Variants in TBX5 observed in about 807,000 individuals in gnomAD.
TBX5 encodes the protein T-box transcription factor 5, also known as T-box transcription factor TBX5.
In TBX5, 8 loss-of-function variants were observed where a neutral mutation model predicts 51.1. The ratio of observed to expected loss-of-function variants is 0.16; its 90% confidence interval spans 0.09 to 0.28. The LOEUF (loss-of-function observed/expected upper bound fraction) is 0.28. TBX5 is among the 10% of genes least tolerant of loss of function. TBX5 has a pLI of 1.00. For missense variants in TBX5, 589 were observed against 671.7 expected, an observed-to-expected ratio of 0.88 and a Z score of 1.36; for synonymous variants, 302 against 266.4, an observed-to-expected ratio of 1.13 and a Z score of -1.30.
In TBX5 at chr12:114,354,690, G is replaced by A. The variant is rs569872023; in HGVS notation, c.*842C>T. ...CAGTCCTGCCTACATGTAAACGGGG[G>A]CTTTTTAAGTTTTTCAAAGCAAGCT... is the stretch of plus-strand genomic sequence containing the variant. On this transcript the variant is annotated 3_prime_UTR_variant, in exon 9 of 9. Coordinates refer to ENST00000405440, the MANE Select transcript of TBX5 (RefSeq NM_181486.4). 69 of 152,780 alleles carry A rather than the reference G, an allele frequency of 4.5e-4. No individual in the cohort carries two copies. The highest frequency in any genetic ancestry group is 1.6e-3 in the African/African-American group (68 of 41,540). 9.5% of individuals were successfully genotyped at this position (152,780 alleles called of 1,614,324 possible).
chr12:114,356,547 T>C (rs1229611382), intron 8 of TBX5, among the ~76,000 whole-genome samples: 2 of 152,020 alleles, frequency 1.3e-5, no homozygotes, highest in Admixed American at 6.5e-5. Flanking sequence ...CTGGGCAACA[T>C]AGTGAGACCC....
At chr12:114,405,029 T>C (rs1300119562) in intron 1 of TBX5, among the ~76,000 whole-genome samples, 1 of 152,190 alleles carries the variant, frequency 6.6e-6, no homozygotes, top group African/African-American at 2.4e-5. Context: ...ATCTCTTCTA[T>C]ACGCAAGTAG....
rs1026012689 is a variant in TBX5 at position 114,394,994 on chromosome 12, G to A, written c.511-101C>T. The A allele has an allele frequency of 1.0e-5, 12 of 1,165,206 alleles. No individual in the cohort carries two copies. The Admixed American group carries it at 1.4e-4, about 13-fold the overall frequency. The allele number at this position is 1,165,206 out of a possible 1,614,324, so 72.2% of individuals were successfully genotyped here. On this transcript the variant is annotated intron_variant, in intron 5 of 8. Transcript: ENST00000405440. ...CCCTCTAAATTCGCCTTGTTATATCGGCTCTCGAAAAATAGATATTTTTCT... is the reference window on the plus strand; with the variant it reads ...CCCTCTAAATTCGCCTTGTTATATCAGCTCTCGAAAAATAGATATTTTTCT...
At position 114,399,567 on chromosome 12, in the gene TBX5, A is replaced by G; in HGVS notation, c.308T>C (p.Leu103Pro). 2 of 1,614,180 alleles carry G rather than the reference A, an allele frequency of 1.2e-6. No homozygotes were observed. Among genetic ancestry groups the G allele is most frequent in the African/African-American group, 2.7e-5 (2 of 75,030 alleles). The change falls in exon 4 of 9, where the codon CTC (leucine) becomes CCC (proline). Residue 103 changes from leucine (L) to proline (P), a missense_variant. Leu to Pro is a moderately conservative substitution (Grantham distance 98). Around this residue, in one of 7 missense-constraint regions of TBX5, gnomAD observed 85 missense variants for 95.6 expected, o/e 0.89. Coordinates refer to ENST00000405440, the MANE Select transcript of TBX5 (RefSeq NM_181486.4). The part of the protein sequence containing the change: ...GLNPKTKYIL[L>P]MDIVPADDHR... Reference sequence around the variant, plus strand: ...ATCGTCGGCAGGTACAATGTCCATGAGAAGAATGTACTTCGTTTTGGGATT... The same window carrying G: ...ATCGTCGGCAGGTACAATGTCCATGGGAAGAATGTACTTCGTTTTGGGATT...
In TBX5 at chr12:114,373,269, T is replaced by C. The variant is rs547936320; in HGVS notation, c.756-6878A>G. Among the ~76,000 whole-genome samples, 10 of 152,304 alleles carry C rather than the reference T, an allele frequency of 6.6e-5. No individual in the cohort carries two copies. In the South Asian group the frequency reaches 1.7e-3, roughly 25 times the overall value. On this transcript the variant is annotated intron_variant, in intron 7 of 8. Coordinates refer to ENST00000405440, the MANE Select transcript of TBX5 (RefSeq NM_181486.4). ...GTTCGGAAATCATGGAGAAAAGTCC[T>C]GGGCAATTCATGACATTACCCTTTG... is the stretch of plus-strand genomic sequence containing the variant.
chr12:114,379,986 CAT>C (rs1249411518), intron 7 of TBX5, among the ~76,000 whole-genome samples: 3 of 152,158 alleles, frequency 2.0e-5, no homozygotes, highest in Non-Finnish European at 2.9e-5. Context: ...TCATACCTGT[CAT>C]AGAGTCACTC....
intron 3 of TBX5, among the ~76,000 whole-genome samples, chr12:114,400,013 C>T (rs1871708182): frequency 6.6e-6 from 1 of 152,200 alleles, no homozygotes; most frequent in Non-Finnish European, 1.5e-5. Context: ...AGGTACAATG[C>T]TAGGCGCTGA....
chr12:114,392,813 T>A (rs1231846912), intron 6 of TBX5, among the ~76,000 whole-genome samples: 1 of 152,172 alleles, frequency 6.6e-6, no homozygotes, highest in Non-Finnish European at 1.5e-5. Flanking sequence ...CAGACTCAAA[T>A]TGGCCTGAAA....
chr12:114,377,571 T>G (rs1383099685), intron 7 of TBX5, among the ~76,000 whole-genome samples: 3 of 151,874 alleles, frequency 2.0e-5, no homozygotes. Flanking sequence ...TTTTTTTTTT[T>G]TTTATCTTTT....
intron 5 of TBX5, 94 bp downstream of exon 5, chr12:114,398,479 G>A: frequency 6.6e-7 from 1 of 1,513,480 alleles, no homozygotes; most frequent in Non-Finnish European, 9.0e-7. Flanking sequence ...AGAAATGTAG[G>A]CACACAGAGC....
At chr12:114,394,652 G>T in intron 6 of TBX5, 89 bp downstream of exon 6, 1 of 1,580,616 alleles carries the variant, frequency 6.3e-7, no homozygotes, top group South Asian at 1.1e-5. Context: ...CCATTCAGAG[G>T]AGCAAAGTTC....
In TBX5 at chr12:114,355,984, T is replaced by C; in HGVS notation, c.1105A>G (p.Arg369Gly). Reference sequence around the variant, plus strand: ...GCTTGCCGCTGTGCCGACTCTGTCCTGTAGGAGGCACCCAGGCCCTGCTGC... The same window carrying C: ...GCTTGCCGCTGTGCCGACTCTGTCCCGTAGGAGGCACCCAGGCCCTGCTGC... ...PQQQGLGASY[R>G]TESAQRQACM... The change falls in exon 9 of 9, where the codon AGG becomes GGG. Residue 369 changes from arginine (R) to glycine (G), a missense_variant. Around this residue, in one of 7 missense-constraint regions of TBX5, gnomAD observed 348 missense variants for 360.4 expected, o/e 0.97. Transcript: ENST00000405440. 1.2e-6 allele frequency: 2 copies of C among 1,614,124 alleles called. No homozygotes were observed. The highest frequency in any genetic ancestry group is 3.3e-4 in the Middle Eastern group (2 of 6,062).
intron 7 of TBX5, among the ~76,000 whole-genome samples, chr12:114,383,692 C>T (rs949987626): frequency 1.3e-5 from 2 of 152,044 alleles, no homozygotes; most frequent in South Asian, 2.1e-4. Context: ...GGCTGAATTC[C>T]GAGTTATGCT....
chr12:114,392,832 C>T (rs1871235093), intron 6 of TBX5, among the ~76,000 whole-genome samples: 2 of 152,130 alleles, frequency 1.3e-5, no homozygotes, highest in African/African-American at 4.8e-5. Context: ...AATAGTTTTG[C>T]ATCTTTCAGG....
At chr12:114,399,666 G>A (rs1447642575) in intron 3 of TBX5, 34 bp from the exon 4 acceptor site, 2 of 1,613,868 alleles carry the variant, frequency 1.2e-6, no homozygotes, top group South Asian at 1.1e-5. Context: ...AGAGGGGGGC[G>A]GGAATTAATG....
intron 3 of TBX5, among the ~76,000 whole-genome samples, chr12:114,401,244 A>G (rs1167283053): frequency 2.6e-5 from 4 of 152,176 alleles, no homozygotes; most frequent in African/African-American, 9.7e-5. Flanking sequence ...GTGTCTGTAT[A>G]TAGAGCCCGG....
At chr12:114,387,600 G>A (rs1029946027) in intron 6 of TBX5, among the ~76,000 whole-genome samples, 3 of 152,160 alleles carry the variant, frequency 2.0e-5, no homozygotes, top group African/African-American at 7.2e-5. Flanking sequence ...ACATCATTAT[G>A]TATTTGTCCA....
At chr12:114,402,498 T>G (rs1369667010) in intron 2 of TBX5, among the ~76,000 whole-genome samples, 5 of 152,192 alleles carry the variant, frequency 3.3e-5, no homozygotes, top group Non-Finnish European at 5.9e-5. Flanking sequence ...ATACATGAAT[T>G]TTGAAACCTA....
chr12:114,408,335 G>A, upstream of TBX5: 1 of 481,576 alleles, frequency 2.1e-6, no homozygotes, highest in Non-Finnish European at 2.7e-6. Flanking sequence ...TCTTAGGAAG[G>A]GGGAGAGGAG....
Sources: gnomAD v4.1 joint callset for allele counts (sites outside exome capture counted in the v4.1 genomes callset) on GRCh38, gnomAD v4.1.1 for gene constraint, gnomAD v4.1.1 regional missense constraint, MANE v1.5 for transcripts, NCBI Gene and HGNC (gene_info 2026-07-23, HGNC 2026-07-21) for gene names.